SERPINB11: variants seen among roughly 807,000 people sequenced by gnomAD.
SERPINB11 encodes the protein serpin family B member 11.
In SERPINB11, 32 loss-of-function variants were observed where a neutral mutation model predicts 36.7. The ratio of observed to expected loss-of-function variants is 0.87; its 90% CI spans 0.66 to 1.17. The LOEUF (loss-of-function observed/expected upper bound fraction) is 1.17, where lower values mean the gene tolerates loss of function less well. Among genes scored for constraint, SERPINB11 ranks in the 50% most tolerant of loss-of-function variants. SERPINB11 has a pLI of 0.00. For synonymous variants in SERPINB11, 174 were observed against 168.1 expected (o/e 1.04, Z -0.27); for missense variants, 528 against 458.4 (o/e 1.15, Z -1.39).
At chr18:63,717,013 G>T (rs891270458) in intron 5 of SERPINB11, among the ~76,000 whole-genome samples, 3 of 152,062 alleles carry the variant, frequency 2.0e-5, no homozygotes, top group African/African-American at 4.8e-5. Context: ...TTAGAAAGAG[G>T]CACTGCAAGG....
chr18:63,714,614 C>T (rs918724840), intron 4 of SERPINB11, among the ~76,000 whole-genome samples: 4 of 146,142 alleles, frequency 2.7e-5, no homozygotes, highest in East Asian at 2.1e-4. Context: ...AAGAATTCAA[C>T]GATATTTCTC....
intron 1 of SERPINB11, chr18:63,705,655 C>A (rs1225865769): frequency 6.6e-6 from 1 of 152,200 alleles, no homozygotes; most frequent in Non-Finnish European, 1.5e-5. Context: ...GTCTGGCACA[C>A]AATAAGTGGC....
At chr18:63,718,818 A>G (rs959141655) in intron 5 of SERPINB11, among the ~76,000 whole-genome samples, 2 of 151,580 alleles carry the variant, frequency 1.3e-5, no homozygotes, top group Non-Finnish European at 2.9e-5. Context: ...TATCCATTAT[A>G]TTATTTGTAT....
At chr18:63,709,378 G>A (rs1324425041) in intron 1 of SERPINB11, among the ~76,000 whole-genome samples, 2 of 152,092 alleles carry the variant, frequency 1.3e-5, no homozygotes, top group Non-Finnish European at 2.9e-5. Context: ...TTGGGAGGCC[G>A]AGGTGGGTGG....
At chr18:63,718,365 A>G (rs1241114864) in intron 5 of SERPINB11, among the ~76,000 whole-genome samples, 1 of 152,064 alleles carries the variant, frequency 6.6e-6, no homozygotes, top group Non-Finnish European at 1.5e-5. Flanking sequence ...TATAGAATCT[A>G]TAGATTTGGA....
chr18:63,709,030 G>T (rs1421253779), intron 1 of SERPINB11, among the ~76,000 whole-genome samples: 1 of 152,164 alleles, frequency 6.6e-6, no homozygotes, highest in Non-Finnish European at 1.5e-5. Flanking sequence ...ATTCTTGATT[G>T]TTTTTATATC....
chr18:63,722,355 G>A (rs1189661938), intron 7 of SERPINB11, among the ~76,000 whole-genome samples: 1 of 152,176 alleles, frequency 6.6e-6, no homozygotes, highest in Non-Finnish European at 1.5e-5. Context: ...AGAGTTCAAT[G>A]CCCGAGGGAG....
At position 63,720,923 on chromosome 18, in the gene SERPINB11, C is replaced by G; in HGVS notation, c.711C>G (p.Pro237=). ...KEPQMQVLEL[P]YVNNKLSMII... ...CGCAGATGCAAGTTCTTGAGCTGCC[C>G]TACGTTAACAACAAATTAAGCATGA... The change falls in exon 7 of 8, where the codon CCC becomes CCG. Residue 237 remains proline, a synonymous_variant. Coordinates refer to ENST00000544088, the MANE Select transcript of SERPINB11 (RefSeq NM_001370475.1). 1 of 1,607,402 alleles carries G rather than the reference C, an allele frequency of 6.2e-7. No individual in the cohort carries two copies. The highest frequency in any genetic ancestry group is 8.5e-7 in the Non-Finnish European group (1 of 1,176,966).
intron 2 of SERPINB11, 48 bp from the exon 3 acceptor site, chr18:63,711,287 C>T (rs767619992): frequency 1.6e-6 from 2 of 1,270,010 alleles, no homozygotes; most frequent in African/African-American, 1.5e-5. Context: ...CCTTTATAGA[C>T]TGTACATTGC....
At chr18:63,722,963 T>C in intron 7 of SERPINB11, 32 bp from the exon 8 acceptor site, 4 of 1,519,552 alleles carry the variant, frequency 2.6e-6, no homozygotes, top group Non-Finnish European at 3.5e-6. Context: ...TGTGTTTGAC[T>C]CATGTGGGCT....
intron 7 of SERPINB11, among the ~76,000 whole-genome samples, chr18:63,722,044 G>A (rs1035904377): frequency 2.0e-5 from 3 of 152,140 alleles, no homozygotes; most frequent in Non-Finnish European, 2.9e-5. Context: ...ATTTCAGTCC[G>A]AGCCTTGCTG....
In SERPINB11 at chr18:63,720,012, G is replaced by A. The variant is rs755546029; in HGVS notation, c.476-1G>A. Reference sequence around the variant, plus strand: ...TATAATTATCTTATTTTTTATACAAGGAAAAGTCGCAAATCTCTTTGGAAA... The same window carrying A: ...TATAATTATCTTATTTTTTATACAAAGAAAAGTCGCAAATCTCTTTGGAAA... On this transcript the variant is annotated splice_acceptor_variant, in intron 5 of 7. Transcript: ENST00000544088. LOFTEE classifies it high-confidence loss of function. 1 of 1,592,024 alleles carries A rather than the reference G, an allele frequency of 6.3e-7. No individual in the cohort carries two copies. Among genetic ancestry groups the A allele is most frequent in the Non-Finnish European group, 8.5e-7 (1 of 1,171,754 alleles).
At position 63,711,360 on chromosome 18, in the gene SERPINB11, A is replaced by T; in HGVS notation, c.194A>T (p.Asp65Val). ...EKVLHFSHTVDSLKPGFKDSP... is the reference protein window; with the variant it reads ...EKVLHFSHTVVSLKPGFKDSP... ...GTGCTTCATTTTAGTCATACTGTAG[A>T]CTCATTAAAACCAGGGTTCAAGGAC... is the stretch of plus-strand genomic sequence containing the variant. Residue 65 changes from aspartate to valine, a missense_variant, in exon 3 of 8, where the codon GAC becomes GTC. Physicochemically the swap from Asp to Val is radical, Grantham distance 152. Coordinates refer to ENST00000544088, the MANE Select transcript of SERPINB11 (RefSeq NM_001370475.1). 1.2e-6 allele frequency: 2 copies of T among 1,611,164 alleles called. No homozygotes were observed. The highest frequency in any genetic ancestry group is 2.2e-5 in the East Asian group (1 of 44,812).
intron 1 of SERPINB11, among the ~76,000 whole-genome samples, chr18:63,707,711 T>C (rs187492880): frequency 6.6e-6 from 1 of 152,340 alleles, no homozygotes; most frequent in East Asian, 1.9e-4. Flanking sequence ...CACACAGTAC[T>C]TATTGGATTG....
At chr18:63,710,094 A>G in intron 1 of SERPINB11, 85 bp from the exon 2 acceptor site, 2 of 1,123,862 alleles carry the variant, frequency 1.8e-6, no homozygotes, top group Non-Finnish European at 2.5e-6. Flanking sequence ...CTGATACTTA[A>G]ACTCATGAAA....
intron 3 of SERPINB11, among the ~76,000 whole-genome samples, chr18:63,712,342 T>C (rs919660135): frequency 6.6e-6 from 1 of 152,246 alleles, no homozygotes; most frequent in African/African-American, 2.4e-5. Context: ...ACATGTATTA[T>C]GCAGTAACTT....
intron 1 of SERPINB11, among the ~76,000 whole-genome samples, chr18:63,708,568 C>T (rs1914431656): frequency 6.6e-6 from 1 of 152,046 alleles, no homozygotes; most frequent in African/African-American, 2.4e-5. Flanking sequence ...AATGGAATTG[C>T]CATTTACAGA....
chr18:63,703,892 G>C (rs1182060793), intron 1 of SERPINB11, among the ~76,000 whole-genome samples: 1 of 152,292 alleles, frequency 6.6e-6, no homozygotes, highest in Non-Finnish European at 1.5e-5. Flanking sequence ...CAACCTCAAA[G>C]GGCTACAGTG....
Position 63,723,818 on chromosome 18 carries a change from T to C in SERPINB11, c.*419T>C, listed in dbSNP as rs1233939529. The C allele has an allele frequency of 6.3e-6, 1 of 158,226 alleles. No individual in the cohort carries two copies. The highest frequency in any genetic ancestry group is 2.4e-5 in the African/African-American group (1 of 41,656). The allele number at this position is 158,226 out of a possible 1,614,324, so 9.8% of individuals were successfully genotyped here. A position where few individuals can be genotyped will look rare whatever the true frequency, so the allele number is the denominator to read the frequency against. Reference sequence around the variant, plus strand: ...GATTTTTAAATATTTTCCTTGCATATGTAAATAGAATGTGGTGAGTTTTAG... The same window carrying C: ...GATTTTTAAATATTTTCCTTGCATACGTAAATAGAATGTGGTGAGTTTTAG... On this transcript the variant is annotated 3_prime_UTR_variant, in exon 8 of 8. Transcript: ENST00000544088.
Sources: gnomAD v4.1 joint callset for allele counts (sites outside exome capture counted in the v4.1 genomes callset) on GRCh38, gnomAD v4.1.1 for gene constraint, MANE v1.5 for transcripts, NCBI Gene and HGNC (gene_info 2026-07-23, HGNC 2026-07-21) for gene names.